ARR3: variants seen among roughly 807,000 people sequenced by gnomAD.
ARR3 encodes the protein arrestin-C.
ARR3 carries 14 observed loss-of-function variants against 35.4 expected under a neutral mutation model. The ratio of observed to expected loss-of-function variants is 0.40; its 90% CI spans 0.26 to 0.62. ARR3 has a LOEUF of 0.62. Ranked by LOEUF, ARR3 falls within the 20% of genes least tolerant of loss-of-function variation. The pLI is 0.46. For missense variants in ARR3, 259 were observed against 303.8 expected, an observed-to-expected ratio of 0.85 and a Z score of 1.10; for synonymous variants, 97 against 119.1, an observed-to-expected ratio of 0.81 and a Z score of 1.21.
Position 70,269,915 on chromosome X carries a change from CA to C in ARR3, c.100+18del, listed in dbSNP as rs766381934. 9 of 1,202,945 alleles carry C rather than the reference CA, an allele frequency of 7.5e-6. No homozygotes were observed. The Admixed American group carries it at 1.8e-4, about 24-fold the overall frequency. ...GGTGGAACCCATTGGTCAGTGAGTCCAAAAAAGGGAAGCCTGGGGAAAGAGG... is the reference window on the plus strand; with the variant it reads ...GGTGGAACCCATTGGTCAGTGAGTCCAAAAAGGGAAGCCTGGGGAAAGAGG... On this transcript the variant is annotated intron_variant, in intron 4 of 16. Transcript: ENST00000307959.
At chrX:70,274,421 G>A (rs758420214) in intron 5 of ARR3, among the ~76,000 whole-genome samples, 15 of 110,913 alleles carry the variant, frequency 1.4e-4, no homozygotes, top group African/African-American at 4.3e-4. Context: ...GGCTGGTCTC[G>A]AACTCCTGTC....
intron 8 of ARR3, 121 bp from the exon 9 acceptor site, chrX:70,277,273 T>C: frequency 1.0e-6 from 1 of 973,623 alleles, no homozygotes; most frequent in Non-Finnish European, 1.4e-6. Flanking sequence ...AGAGGAGTTC[T>C]CTGAGGGAGG....
Position 70,281,658 on chromosome X carries a change from T to C in ARR3, c.1077-18T>C. Reference sequence around the variant, plus strand: ...AAGGGGTTCCTAACCTTCCATTCTCTTCTGCTGCTTCTGCAAGCTCTGAGG... The same window carrying C: ...AAGGGGTTCCTAACCTTCCATTCTCCTCTGCTGCTTCTGCAAGCTCTGAGG... On this transcript the variant is annotated intron_variant, in intron 16 of 16. Transcript: ENST00000307959. 8.6e-7 allele frequency: 1 copy of C among 1,164,243 alleles called. No individual in the cohort carries two copies. The highest frequency in any genetic ancestry group is 1.2e-6 in the Non-Finnish European group (1 of 867,701).
intron 5 of ARR3, among the ~76,000 whole-genome samples, chrX:70,275,659 C>CT (rs35378424): frequency 0.019 from 795 of 42,059 alleles, 126 homozygotes; most frequent in East Asian, 0.057. Context: ...AGCCTTCAAT[C>CT]TTTTTTTTTT....
At position 70,281,791 on chromosome X, in the gene ARR3, T is replaced by C. The variant is rs774007256; in HGVS notation, c.*25T>C. On this transcript the variant is annotated 3_prime_UTR_variant, in exon 17 of 17. Coordinates refer to ENST00000307959, the MANE Select transcript of ARR3 (RefSeq NM_004312.3). Reference sequence around the variant, plus strand: ...AGCACCTCGCTCTGGTGCCCGTCTGTGTGGGAGCCCCCACTGTAACACTCT... The same window carrying C: ...AGCACCTCGCTCTGGTGCCCGTCTGCGTGGGAGCCCCCACTGTAACACTCT... The C allele has an allele frequency of 2.7e-5, 30 of 1,105,230 alleles. No homozygotes were observed. Among genetic ancestry groups the C allele is most frequent in the Non-Finnish European group, 3.4e-5 (28 of 822,194 alleles). 91.1% of individuals were successfully genotyped at this position (1,105,230 alleles called of 1,213,427 possible).
At position 70,277,702 on chromosome X, in the gene ARR3, C is replaced by T. The variant is rs191379707; in HGVS notation, c.610-14C>T. On this transcript the variant is annotated splice_polypyrimidine_tract_variant and intron_variant, in intron 9 of 16. Coordinates refer to ENST00000307959, the MANE Select transcript of ARR3 (RefSeq NM_004312.3). ...GTCCTCCAGCCTTGACATGGGTCCC[C>T]GCTCCTGCTTTAGGTTCACTACCAC... 2,402 of 1,204,214 alleles carry T rather than the reference C, an allele frequency of 2.0e-3. 4 individuals carry two copies. The highest frequency in any genetic ancestry group is 2.5e-3 in the Non-Finnish European group (2,244 of 891,081).
chrX:70,280,347 T>G (rs768456450), intron 13 of ARR3, 69 bp downstream of exon 13: 618 of 1,089,055 alleles, frequency 5.7e-4, no homozygotes, highest in Non-Finnish European at 7.0e-4. Context: ...TCTGTTTTTC[T>G]CCCAGTTAGA....
intron 13 of ARR3, 127 bp downstream of exon 13, chrX:70,280,405 C>G (rs2085674884): frequency 1.0e-6 from 1 of 966,610 alleles, no homozygotes; most frequent in Non-Finnish European, 1.4e-6. Context: ...ACCAGGTTCC[C>G]AAACCTGTGA....
rs62607668 is a variant in ARR3 at position 70,278,496 on chromosome X, T to C, written c.768-8T>C. 19 of 1,203,522 alleles carry C rather than the reference T, an allele frequency of 1.6e-5. No homozygotes were observed. Among genetic ancestry groups the C allele is most frequent in the Non-Finnish European group, 2.0e-5 (18 of 891,826 alleles). On this transcript the variant is annotated splice_region_variant and splice_polypyrimidine_tract_variant and intron_variant, in intron 11 of 16. Coordinates refer to ENST00000307959, the MANE Select transcript of ARR3 (RefSeq NM_004312.3). Reference sequence around the variant, plus strand: ...AGCCTAAATTCTTCTCTTGTTCTTCTTTTGTAGGGAGACTGTAGCTGCTAA... The same window carrying C: ...AGCCTAAATTCTTCTCTTGTTCTTCCTTTGTAGGGAGACTGTAGCTGCTAA...
In ARR3 at chrX:70,276,483, T is replaced by C. The variant is rs780214675; in HGVS notation, c.396T>C (p.Asp132=). 3 of 1,211,593 alleles carry C rather than the reference T, an allele frequency of 2.5e-6. No individual in the cohort carries two copies. Among genetic ancestry groups the C allele is most frequent in the East Asian group, 5.9e-5 (2 of 33,868 alleles). The change falls in exon 7 of 17, where the codon GAT becomes GAC. Residue 132 remains aspartate (D), a synonymous_variant. Coordinates refer to ENST00000307959, the MANE Select transcript of ARR3 (RefSeq NM_004312.3). ...CSVTLQPGPE[D]AGKPCGIDFE... The stretch of plus-strand genomic sequence containing the variant: ...TGACACTGCAGCCAGGTCCTGAAGA[T>C]GCAGGAAAGGTGAGGACTGGGTTCT...
At chrX:70,278,685 A>G in intron 12 of ARR3, 44 bp downstream of exon 12, 2 of 1,172,051 alleles carry the variant, frequency 1.7e-6, no homozygotes, top group South Asian at 3.8e-5. Context: ...CTACCCCTCA[A>G]CCATTCCACA....
chrX:70,279,304 C>A (rs2085668585), intron 12 of ARR3, among the ~76,000 whole-genome samples: 1 of 112,583 alleles, frequency 8.9e-6, no homozygotes, highest in Admixed American at 9.4e-5. Flanking sequence ...CACCTGCCAC[C>A]ATCTGTCAAG....
rs1216554298 is a variant in ARR3 at position 70,280,894 on chromosome X, G to T, written c.1066+76G>T. On this transcript the variant is annotated intron_variant, in intron 15 of 16. Transcript: ENST00000307959. ...CCAAACCATTCTGATCTCATGAATTGGAGACTAGCAGTTTGCCTGGGGATG... is the reference window on the plus strand; with the variant it reads ...CCAAACCATTCTGATCTCATGAATTTGAGACTAGCAGTTTGCCTGGGGATG... 22 of 1,152,958 alleles carry T rather than the reference G, an allele frequency of 1.9e-5. 1 individual carries two copies. Among genetic ancestry groups the T allele is most frequent in the Admixed American group, 1.1e-4 (5 of 45,314 alleles).
chrX:70,270,861 A>C (rs912759797), intron 5 of ARR3, among the ~76,000 whole-genome samples: 1 of 110,806 alleles, frequency 9.0e-6, no homozygotes, highest in Non-Finnish European at 1.9e-5. Context: ...CTCTGGCAGC[A>C]GTATTACAGA....
At chrX:70,278,992 A>G (rs1008884003) in intron 12 of ARR3, among the ~76,000 whole-genome samples, 17 of 112,963 alleles carry the variant, frequency 1.5e-4, no homozygotes, top group African/African-American at 4.8e-4. Flanking sequence ...ATTCCCTTTT[A>G]CACTTAAGGA....
chrX:70,269,917 A>G lies in ARR3; in HGVS notation c.100+14A>G. On this transcript the variant is annotated intron_variant, in intron 4 of 16. Transcript: ENST00000307959. ...TGGAACCCATTGGTCAGTGAGTCCA[A>G]AAAAGGGAAGCCTGGGGAAAGAGGA... 8.3e-7 allele frequency: 1 copy of G among 1,206,652 alleles called. No homozygotes were observed. Among genetic ancestry groups the G allele is most frequent in the Non-Finnish European group, 1.1e-6 (1 of 892,260 alleles).
Position 70,281,007 on chromosome X carries a change from G to T in ARR3, c.1067-92G>T. The T allele has an allele frequency of 5.2e-6, 5 of 966,500 alleles. No homozygotes were observed. In the South Asian group the frequency reaches 8.6e-5, roughly 17 times the overall value. The allele number at this position is 966,500 out of a possible 1,213,427, so 79.7% of individuals were successfully genotyped here. On this transcript the variant is annotated intron_variant, in intron 15 of 16. Transcript: ENST00000307959. ...GGAGCAAAGGATTGGGAAGTTGGGG[G>T]GGGGGGAAGTAAAGATACTTCTTCA...
At chrX:70,272,734 G>A (rs12392746) in intron 5 of ARR3, among the ~76,000 whole-genome samples, 5 of 112,030 alleles carry the variant, frequency 4.5e-5, no homozygotes, top group African/African-American at 1.6e-4. Context: ...TTCTCATATT[G>A]CCCCAGTCCT....
chrX:70,278,752 G>A, intron 12 of ARR3, 111 bp downstream of exon 12: 6 of 1,015,876 alleles, frequency 5.9e-6, no homozygotes, highest in Non-Finnish European at 8.0e-6. Flanking sequence ...GTTTTTTAAA[G>A]TGTCTCTAGG....
Sources: allele counts gnomAD v4.1 joint callset (sites outside exome capture counted in the v4.1 genomes callset), GRCh38; gene constraint gnomAD v4.1.1; transcripts MANE v1.5; gene names NCBI Gene and HGNC (gene_info 2026-07-23, HGNC 2026-07-21).